FGGY: variants seen among roughly 807,000 people sequenced by gnomAD.
FGGY encodes the protein FGGY carbohydrate kinase domain containing.
FGGY carries 72 observed loss-of-function variants against 71.3 expected under a neutral mutation model. The observed-to-expected ratio is 1.01, with a 90% CI of 0.84 to 1.23. The LOEUF (loss-of-function observed/expected upper bound fraction) is 1.23. Among genes scored for constraint, FGGY ranks in the 50% most tolerant of loss-of-function variants. The pLI, the probability that FGGY is intolerant of heterozygous loss-of-function variation, is 0.00. For synonymous variants in FGGY, 251 were observed against 250.3 expected (o/e 1.00, Z -0.02); for missense variants, 668 against 682.3 (o/e 0.98, Z 0.23).
intron 14 of FGGY, among the ~76,000 whole-genome samples, chr1:59,735,086 C>A (rs1011780623): frequency 2.0e-5 from 3 of 152,142 alleles, no homozygotes; most frequent in African/African-American, 7.2e-5. Flanking sequence ...GCACAAAGAC[C>A]AGGTGATGGT....
intron 6 of FGGY, among the ~76,000 whole-genome samples, chr1:59,465,431 C>A (rs2092556565): frequency 6.6e-6 from 1 of 152,206 alleles, no homozygotes; most frequent in Non-Finnish European, 1.5e-5. Context: ...GAAGCATTCC[C>A]TTGGAAAACT....
chr1:59,302,281 C>T (rs190819599), intron 1 of FGGY, among the ~76,000 whole-genome samples: 252 of 151,960 alleles, frequency 1.7e-3, no homozygotes, highest in African/African-American at 5.7e-3. Flanking sequence ...AATCTGGCCT[C>T]GTAGAATGAA....
intron 7 of FGGY, among the ~76,000 whole-genome samples, chr1:59,519,574 T>A (rs2094764995): frequency 6.6e-6 from 1 of 152,216 alleles, no homozygotes; most frequent in Non-Finnish European, 1.5e-5. Context: ...ATATATTTTT[T>A]GCGACTTTTA....
intron 14 of FGGY, among the ~76,000 whole-genome samples, chr1:59,699,635 G>A (rs2097693646): frequency 6.6e-6 from 1 of 152,046 alleles, no homozygotes; most frequent in Admixed American, 6.5e-5. Flanking sequence ...AATAAAAAGA[G>A]GTTTTTATAA....
intron 1 of FGGY, among the ~76,000 whole-genome samples, chr1:59,311,314 C>A (rs1184666196): frequency 6.6e-6 from 1 of 151,570 alleles, no homozygotes; most frequent in Non-Finnish European, 1.5e-5. Context: ...GTAGAACCTG[C>A]AGGTTTGTTA....
intron 4 of FGGY, among the ~76,000 whole-genome samples, chr1:59,350,970 C>T (rs1044231932): frequency 1.1e-4 from 17 of 152,164 alleles, no homozygotes; most frequent in African/African-American, 3.6e-4. Context: ...GACTATGGCA[C>T]CCAGGCCAAA....
At chr1:59,342,477 G>A (rs2050909114) in intron 3 of FGGY, among the ~76,000 whole-genome samples, 1 of 152,116 alleles carries the variant, frequency 6.6e-6, no homozygotes, top group South Asian at 2.1e-4. Flanking sequence ...CTAATTATAA[G>A]TGTTGAAATA....
At chr1:59,336,395 A>G (rs1326925485) in intron 2 of FGGY, among the ~76,000 whole-genome samples, 2 of 151,968 alleles carry the variant, frequency 1.3e-5, no homozygotes, top group African/African-American at 4.8e-5. Context: ...TTGAAGTCAG[A>G]TAGCATATAT....
chr1:59,717,822 A>G (rs957613619), intron 14 of FGGY, among the ~76,000 whole-genome samples: 9 of 152,232 alleles, frequency 5.9e-5, no homozygotes, highest in African/African-American at 2.2e-4. Flanking sequence ...CATCAATAGC[A>G]CTTAAGTATT....
Position 59,355,004 on chromosome 1 carries a change from G to A in FGGY, c.465+8606G>A, listed in dbSNP as rs371532074. ...GAGGGTATGAGCAAGGCACAGAGGC[G>A]TAGGAGGGGGTTTGGCGAAGTGGGC... On this transcript the variant is annotated intron_variant, in intron 4 of 15. Transcript: ENST00000303721. Among the ~76,000 whole-genome samples, 138 of 152,334 alleles carry A rather than the reference G, an allele frequency of 9.1e-4. 4 individuals carry two copies. The South Asian group carries it at 0.019, about 22-fold the overall frequency.
chr1:59,428,960 G>C (rs2066866672), intron 5 of FGGY, among the ~76,000 whole-genome samples: 1 of 152,190 alleles, frequency 6.6e-6, no homozygotes, highest in African/African-American at 2.4e-5. Context: ...AGTGAAAAAG[G>C]AAGGAAACCT....
chr1:59,739,192 T>C (rs898762721), intron 14 of FGGY, among the ~76,000 whole-genome samples: 2 of 152,244 alleles, frequency 1.3e-5, no homozygotes, highest in African/African-American at 4.8e-5. Context: ...TGCTTTTCAG[T>C]ATGCATGAGT....
intron 8 of FGGY, among the ~76,000 whole-genome samples, chr1:59,591,109 A>C (rs989992454): frequency 6.6e-6 from 1 of 152,140 alleles, no homozygotes; most frequent in African/African-American, 2.4e-5. Context: ...TACAAAATCA[A>C]TGTGCAAAAA....
rs536888952 is a variant in FGGY, at chr1:59,685,846, C to T, written c.1512+11713C>T. Reference sequence around the variant, plus strand: ...CATGGCTCACTGCAGCCTCAAACACCTGTTCAAGCAATCCCCTAGGGGGTT... The same window carrying T: ...CATGGCTCACTGCAGCCTCAAACACTTGTTCAAGCAATCCCCTAGGGGGTT... On this transcript the variant is annotated intron_variant, in intron 14 of 15. Transcript: ENST00000303721. Among the ~76,000 whole-genome samples the T allele has an allele frequency of 2.0e-5, 3 of 152,318 alleles. No individual in the cohort carries two copies. In the South Asian group the frequency reaches 6.2e-4, roughly 32 times the overall value.
At chr1:59,630,005 T>C (rs952925307) in intron 10 of FGGY, among the ~76,000 whole-genome samples, 4 of 152,132 alleles carry the variant, frequency 2.6e-5, no homozygotes, top group African/African-American at 7.2e-5. Context: ...TTAATTGACT[T>C]ACAGTTCTGT....
intron 14 of FGGY, among the ~76,000 whole-genome samples, chr1:59,703,698 A>T (rs1332310095): frequency 1.3e-5 from 2 of 152,252 alleles, no homozygotes; most frequent in African/African-American, 2.4e-5. Context: ...GCTTTAGCCC[A>T]TCTGAAAAGG....
chr1:59,329,818 A>T (rs1379774959), intron 2 of FGGY, among the ~76,000 whole-genome samples: 1 of 152,244 alleles, frequency 6.6e-6, no homozygotes, highest in African/African-American at 2.4e-5. Flanking sequence ...AATTAAATAT[A>T]ATTAAACATT....
At chr1:59,596,164 A>G (rs1246418782) in intron 8 of FGGY, among the ~76,000 whole-genome samples, 1 of 152,006 alleles carries the variant, frequency 6.6e-6, no homozygotes, top group Non-Finnish European at 1.5e-5. Flanking sequence ...ATAGAAATTC[A>G]TTTAAATAGA....
intron 6 of FGGY, among the ~76,000 whole-genome samples, chr1:59,498,592 C>T (rs2094122651): frequency 6.6e-6 from 1 of 152,074 alleles, no homozygotes; most frequent in Non-Finnish European, 1.5e-5. Context: ...GGCTCCACAC[C>T]ACAGTTTCTG....
Sources: gnomAD v4.1 joint callset for allele counts (sites outside exome capture counted in the v4.1 genomes callset) on GRCh38, gnomAD v4.1.1 for gene constraint, MANE v1.5 for transcripts, NCBI Gene and HGNC (gene_info 2026-07-23, HGNC 2026-07-21) for gene names.